The following FSTL4 variants were observed in gnomAD, a reference collection of about 807,000 sequenced individuals.
FSTL4 encodes follistatin like 4, also known as follistatin-related protein 4.
FSTL4 carries 28 observed loss-of-function variants against 78.2 expected under a neutral mutation model. The observed-to-expected ratio is 0.36, with a 90% confidence interval of 0.27 to 0.49. The LOEUF (loss-of-function observed/expected upper bound fraction) is 0.49, where lower values mean the gene tolerates loss of function less well. FSTL4 is among the 20% of genes least tolerant of loss of function. FSTL4 has a pLI of 0.98. For missense variants in FSTL4, 922 were observed against 1,084.9 expected (o/e 0.85, Z 2.11); for synonymous variants, 422 against 440.5 (o/e 0.96, Z 0.53).
intron 3 of FSTL4, among the ~76,000 whole-genome samples, chr5:133,423,907 G>A (rs957857343): frequency 1.3e-5 from 2 of 152,140 alleles, no homozygotes; most frequent in Admixed American, 1.3e-4. Flanking sequence ...CAAGTCCCTC[G>A]GTGCACACAG....
At chr5:133,492,015 G>A (rs773033656) in intron 3 of FSTL4, among the ~76,000 whole-genome samples, 5 of 152,036 alleles carry the variant, frequency 3.3e-5, no homozygotes, top group Admixed American at 6.6e-5. Flanking sequence ...GCAATCTACT[G>A]AGCTGTCTGA....
intron 2 of FSTL4, among the ~76,000 whole-genome samples, chr5:133,580,541 A>C (rs1233451690): frequency 6.6e-6 from 1 of 152,250 alleles, no homozygotes; most frequent in East Asian, 1.9e-4. Flanking sequence ...TCTCATGCTA[A>C]GAAGTGCCAC....
chr5:133,540,245 A>G (rs1759438428), intron 3 of FSTL4, among the ~76,000 whole-genome samples: 1 of 124,296 alleles, frequency 8.0e-6, no homozygotes, highest in Admixed American at 8.0e-5. Context: ...AAACACACAC[A>G]TACACACACA....
At chr5:133,363,819 A>C (rs796272164) in intron 4 of FSTL4, among the ~76,000 whole-genome samples, 26 of 152,104 alleles carry the variant, frequency 1.7e-4, no homozygotes, top group African/African-American at 5.8e-4. Flanking sequence ...GGCTGCCCAC[A>C]CCCTGCCCAC....
chr5:133,696,246 C>T, the FSTL4 span, among the ~76,000 whole-genome samples: 1 of 152,240 alleles, frequency 6.6e-6, no homozygotes, highest in South Asian at 2.1e-4. Flanking sequence ...TCCTGGTTTT[C>T]AGGGCATGCA....
At chr5:133,523,929 T>C (rs1396598921) in intron 3 of FSTL4, among the ~76,000 whole-genome samples, 3 of 152,176 alleles carry the variant, frequency 2.0e-5, no homozygotes, top group Admixed American at 2.0e-4. Context: ...ATAATAACAA[T>C]TGCTGTGAAG....
chr5:133,545,101 A>T (rs1759548428), intron 3 of FSTL4, among the ~76,000 whole-genome samples: 2 of 152,208 alleles, frequency 1.3e-5, no homozygotes, highest in Non-Finnish European at 2.9e-5. Flanking sequence ...AAGAGATGAG[A>T]TGGCTCAGGA....
intron 3 of FSTL4, among the ~76,000 whole-genome samples, chr5:133,534,402 T>C (rs1178402043): frequency 1.3e-5 from 2 of 152,210 alleles, no homozygotes; most frequent in African/African-American, 2.4e-5. Context: ...AGTTCCAGGA[T>C]AAAAAGTGGA....
intron 3 of FSTL4, among the ~76,000 whole-genome samples, chr5:133,477,571 T>G (rs558119573): frequency 1.8e-4 from 27 of 152,312 alleles, no homozygotes; most frequent in Non-Finnish European, 8.8e-5. Context: ...CCACCAGAGT[T>G]GCATATCAAA....
the FSTL4 span, among the ~76,000 whole-genome samples, chr5:133,772,446 T>A: frequency 6.6e-6 from 1 of 152,332 alleles, no homozygotes; most frequent in South Asian, 2.1e-4. Context: ...TAAATTTCAA[T>A]CTGCATTTTA....
Position 133,338,601 on chromosome 5 carries a change from T to A in FSTL4, c.410-21949A>T, listed in dbSNP as rs1298254238. Among the ~76,000 whole-genome samples, 1 of 151,986 alleles carries A rather than the reference T, an allele frequency of 6.6e-6. No individual in the cohort carries two copies. The highest frequency in any genetic ancestry group is 1.5e-5 in the Non-Finnish European group (1 of 67,990). On this transcript the variant is annotated intron_variant, in intron 4 of 15. Coordinates refer to ENST00000265342, the MANE Select transcript of FSTL4 (RefSeq NM_015082.2). The surrounding 1 kb of genome is among the most constrained non-coding windows in gnomAD (Gnocchi z 4.0). ...TGTCTACTCACTATCCAGCCCAGTATCCACTATCCTCTCTTGAGCTCCTGA... is the reference window on the plus strand; with the variant it reads ...TGTCTACTCACTATCCAGCCCAGTAACCACTATCCTCTCTTGAGCTCCTGA...
chr5:133,523,599 GTTTT>G (rs1034165492), intron 3 of FSTL4, among the ~76,000 whole-genome samples: 1 of 152,052 alleles, frequency 6.6e-6, no homozygotes, highest in Non-Finnish European at 1.5e-5. Context: ...GTGAATCTTG[GTTTT>G]TTTTAATATG....
At chr5:133,530,451 T>G (rs1163056410) in intron 3 of FSTL4, among the ~76,000 whole-genome samples, 1 of 152,206 alleles carries the variant, frequency 6.6e-6, no homozygotes, top group Admixed American at 6.5e-5. Flanking sequence ...CGTGTAATCC[T>G]CAGTCACGTG....
intron 1 of FSTL4, among the ~76,000 whole-genome samples, chr5:133,606,645 A>G (rs1300869775): frequency 6.6e-6 from 1 of 152,264 alleles, no homozygotes. Flanking sequence ...TTGCTCACAG[A>G]GTAAACACAC....
intron 4 of FSTL4, among the ~76,000 whole-genome samples, chr5:133,362,866 C>T (rs770300269): frequency 2.0e-5 from 3 of 152,196 alleles, no homozygotes; most frequent in Admixed American, 1.3e-4. Flanking sequence ...AATTACTATG[C>T]CTTTAACCTA....
the FSTL4 span, among the ~76,000 whole-genome samples, chr5:133,638,782 T>C: frequency 6.6e-6 from 1 of 152,078 alleles, no homozygotes; most frequent in Non-Finnish European, 1.5e-5. Context: ...CTGGACGTTT[T>C]TTCGTATACA....
the FSTL4 span, among the ~76,000 whole-genome samples, chr5:133,769,205 A>G: frequency 6.6e-6 from 1 of 152,224 alleles, no homozygotes; most frequent in Non-Finnish European, 1.5e-5. Context: ...TCCTGTCTTT[A>G]CTGCTCACCC....
chr5:133,328,405 C>A (rs1754267188), intron 4 of FSTL4, among the ~76,000 whole-genome samples: 1 of 152,114 alleles, frequency 6.6e-6, no homozygotes, highest in Non-Finnish European at 1.5e-5. Flanking sequence ...CTCTTTTATT[C>A]CTATTAGAGA....
intron 4 of FSTL4, among the ~76,000 whole-genome samples, chr5:133,398,764 A>G (rs1756137707): frequency 1.3e-5 from 2 of 152,148 alleles, no homozygotes; most frequent in South Asian, 2.1e-4. Flanking sequence ...TGCAACCAAC[A>G]CCACACAGCT....
Sources: allele counts gnomAD v4.1 joint callset (sites outside exome capture counted in the v4.1 genomes callset), GRCh38; gene constraint gnomAD v4.1.1; non-coding constraint Gnocchi (gnomAD v3.1); transcripts MANE v1.5; gene names NCBI Gene and HGNC (gene_info 2026-07-23, HGNC 2026-07-21).